Variants in CPLANE1 observed in about 807,000 individuals in gnomAD.
CPLANE1 encodes the protein ciliogenesis and planar polarity effector 1.
A neutral mutation model predicts 362.5 loss-of-function variants in CPLANE1; 263 were observed. That is an observed-to-expected ratio of 0.73 (90% CI 0.66 to 0.80). The LOEUF is 0.80. Among genes scored for constraint, CPLANE1 ranks in the 30% least tolerant of loss-of-function variants. The pLI, the probability that CPLANE1 is intolerant of heterozygous loss-of-function variation, is 0.00. For missense variants in CPLANE1, 3,461 were observed against 3,793.4 expected (o/e 0.91, Z 2.30); for synonymous variants, 1,212 against 1,302.6 (o/e 0.93, Z 1.50).
At chr5:37,228,499 C>T (rs1192872594) in intron 9 of CPLANE1, among the ~76,000 whole-genome samples, 1 of 151,906 alleles carries the variant, frequency 6.6e-6, no homozygotes, top group East Asian at 1.9e-4. Flanking sequence ...GGACATACAC[C>T]CCACAGACTT....
intron 46 of CPLANE1, among the ~76,000 whole-genome samples, chr5:37,137,932 T>A (rs574742858): frequency 9.2e-5 from 14 of 152,038 alleles, no homozygotes; most frequent in South Asian, 4.2e-4. Context: ...TTTTTTTTTT[T>A]AATTTATTGA....
At chr5:37,167,649 G>A (rs1297498594) in intron 34 of CPLANE1, among the ~76,000 whole-genome samples, 11 of 152,104 alleles carry the variant, frequency 7.2e-5, no homozygotes, top group Non-Finnish European at 1.5e-4. Context: ...ATTGTGGTGC[G>A]TGCCTGTAAT....
chr5:37,114,862 G>T, intron 51 of CPLANE1, 98 bp downstream of exon 51: 1 of 694,156 alleles, frequency 1.4e-6, no homozygotes, highest in Non-Finnish European at 2.4e-6. Context: ...TTGCACCACT[G>T]CACTCCAGAC....
downstream of CPLANE1, among the ~76,000 whole-genome samples, chr5:37,101,676 T>C (rs551649175): frequency 3.9e-5 from 6 of 152,320 alleles, no homozygotes; most frequent in East Asian, 1.2e-3. Flanking sequence ...GTAAAAATGG[T>C]ACCAGCTCTT....
At position 37,168,983 on chromosome 5, in the gene CPLANE1, C is replaced by T. The variant is rs772086047; in HGVS notation, c.7041G>A (p.Gly2347=). ...AATGGTGAGGAGATATCTCAAGGGT[C>T]CCTGGCTTAACATCAAATAGTTTTT... ...KPEKLFDVKP[G]TLEISPHHSF... is the part of the protein sequence containing the mutation. The change falls in exon 34 of 53, where the codon GGG becomes GGA. Residue 2347 remains glycine (G), a synonymous_variant. Transcript: ENST00000651892. The T allele has an allele frequency of 1.1e-5, 18 of 1,614,088 alleles. No homozygotes were observed. In the East Asian group the frequency reaches 3.3e-4, roughly 30 times the overall value.
At position 37,245,745 on chromosome 5, in the gene CPLANE1, A is replaced by G. The variant is rs750040861; in HGVS notation, c.182T>C (p.Leu61Ser). ...KKKIPSLQPF[L>S]KDVIVLTTSS... ...TGTTGTTAGGACAATAACATCCTTC[A>G]AGAAAGGCTGCAGACTAGGAATTTT... The change falls in exon 3 of 53, where the codon TTG becomes TCG. Residue 61 changes from leucine (L) to serine (S), a missense_variant. Leu to Ser is a moderately radical substitution (Grantham distance 145). This residue lies in a region of CPLANE1 where 3,380 missense variants were observed against 3,666.1 expected (regional missense o/e 0.92). Transcript: ENST00000651892. 1.3e-6 allele frequency: 2 copies of G among 1,535,106 alleles called. No homozygotes were observed. Among genetic ancestry groups the G allele is most frequent in the South Asian group, 2.5e-5 (2 of 78,548 alleles).
At chr5:37,242,761 T>C (rs1800839015) in intron 6 of CPLANE1, among the ~76,000 whole-genome samples, 1 of 151,928 alleles carries the variant, frequency 6.6e-6, no homozygotes, top group East Asian at 1.9e-4. Context: ...GTATGATGCC[T>C]CATGCCTGTA....
chr5:37,212,982 G>C (rs1203632948), intron 16 of CPLANE1, among the ~76,000 whole-genome samples: 4 of 152,250 alleles, frequency 2.6e-5, no homozygotes, highest in Non-Finnish European at 5.9e-5. Context: ...GCCAAGGCAG[G>C]TGGATCACCT....
intron 47 of CPLANE1, among the ~76,000 whole-genome samples, chr5:37,123,177 CAT>C (rs1319044386): frequency 3.9e-5 from 6 of 152,186 alleles, no homozygotes; most frequent in Non-Finnish European, 7.3e-5. Flanking sequence ...GACTGTGACT[CAT>C]AAACTCTTCA....
Position 37,179,450 on chromosome 5 carries a change from A to G in CPLANE1, c.5738-7T>C. 2 of 1,595,360 alleles carry G rather than the reference A, an allele frequency of 1.3e-6. No individual in the cohort carries two copies. The highest frequency in any genetic ancestry group is 1.7e-6 in the Non-Finnish European group (2 of 1,167,788). ...ACAGATTCTTCAATGTCTTCTAGCG[A>G]TAAGTGAAGATGAAGAGAAAACTGA... On this transcript the variant is annotated splice_polypyrimidine_tract_variant and splice_region_variant and intron_variant, in intron 28 of 52. Coordinates refer to ENST00000651892, the MANE Select transcript of CPLANE1 (RefSeq NM_001384732.1).
At chr5:37,236,011 A>G (rs569832794) in intron 8 of CPLANE1, among the ~76,000 whole-genome samples, 1 of 151,652 alleles carries the variant, frequency 6.6e-6, no homozygotes, top group Non-Finnish European at 1.5e-5. Flanking sequence ...CTGGGATTAC[A>G]GGCATGCACC....
In CPLANE1 at chr5:37,138,743, T is replaced by C. The variant is rs16903514; in HGVS notation, c.8769A>G (p.Thr2923=). 3,599 of 1,612,156 alleles carry C rather than the reference T, an allele frequency of 2.2e-3. 78 individuals are homozygous for C. The Admixed American group carries it at 0.041, about 18-fold the overall frequency. Residue 2923 remains threonine, a synonymous_variant, in exon 46 of 53, where the codon ACA becomes ACG. Transcript: ENST00000651892. ...DGVSSEELGL[T]EQAMGTSRIQ... is the part of the protein sequence containing the mutation. ...ACCTGGAGGTGCCCATAGCTTGTTC[T>C]GTTAAGCCAAGTTCTTCACTGGAAA...
chr5:37,083,100 A>G, the CPLANE1 span, among the ~76,000 whole-genome samples: 2 of 152,272 alleles, frequency 1.3e-5, no homozygotes, highest in East Asian at 3.9e-4. Flanking sequence ...TTCACATCAC[A>G]GGACTCTGTG....
chr5:37,076,681 T>C, the CPLANE1 span, among the ~76,000 whole-genome samples: 2 of 152,040 alleles, frequency 1.3e-5, no homozygotes, highest in African/African-American at 4.8e-5. Flanking sequence ...AATAACCTTA[T>C]AGAAATGTGA....
intron 50 of CPLANE1, among the ~76,000 whole-genome samples, chr5:37,118,400 CAAA>C (rs560421140): frequency 5.6e-5 from 5 of 89,222 alleles, no homozygotes; most frequent in Non-Finnish European, 1.0e-4. Context: ...CACTGTGTCT[CAAA>C]AAAAAAAAAA....
intron 51 of CPLANE1, among the ~76,000 whole-genome samples, chr5:37,111,300 A>AT (rs1393885058): frequency 6.8e-6 from 1 of 146,438 alleles, no homozygotes; most frequent in African/African-American, 2.5e-5. Context: ...TTTTTTTTGT[A>AT]TTTTTAGTAG....
chr5:37,083,491 C>A, the CPLANE1 span, among the ~76,000 whole-genome samples: 1 of 152,038 alleles, frequency 6.6e-6, no homozygotes, highest in South Asian at 2.1e-4. Context: ...AGGGAGGCAC[C>A]TGAGAAAGGC....
rs77853617 is a variant in CPLANE1, at chr5:37,221,599, C to T, written c.2582-111G>A. Reference sequence around the variant, plus strand: ...TTGTGAAAATTCATCAAGTTGTACACTCATGATATGTAAACTTTTCTGCAT... The same window carrying T: ...TTGTGAAAATTCATCAAGTTGTACATTCATGATATGTAAACTTTTCTGCAT... On this transcript the variant is annotated intron_variant, in intron 14 of 52. Transcript: ENST00000651892. The T allele has an allele frequency of 7.6e-5, 46 of 608,482 alleles. No individual in the cohort carries two copies. In the East Asian group the frequency reaches 1.5e-3, roughly 20 times the overall value. 37.7% of individuals were successfully genotyped at this position (608,482 alleles called of 1,614,324 possible).
At chr5:37,211,300 A>T in intron 16 of CPLANE1, 1 of 1,513,762 alleles carries the variant, frequency 6.6e-7, no homozygotes, top group Non-Finnish European at 9.0e-7. Flanking sequence ...GAACGCTTGG[A>T]AAAGGCTTTC....
Sources: gnomAD v4.1 joint callset for allele counts (sites outside exome capture counted in the v4.1 genomes callset) on GRCh38, gnomAD v4.1.1 for gene constraint, gnomAD v4.1.1 regional missense constraint, MANE v1.5 for transcripts, NCBI Gene and HGNC (gene_info 2026-07-23, HGNC 2026-07-21) for gene names.